OSBPL9: variants seen among roughly 807,000 people sequenced by gnomAD.
OSBPL9 encodes the protein oxysterol-binding protein-related protein 9.
A neutral mutation model predicts 106.6 loss-of-function variants in OSBPL9; 40 were observed. The observed-to-expected ratio is 0.38, with a 90% CI of 0.29 to 0.49. The LOEUF (loss-of-function observed/expected upper bound fraction) is 0.49. Among genes scored for constraint, OSBPL9 ranks in the 20% least tolerant of loss-of-function variants. The pLI is 0.97. For missense variants in OSBPL9, 609 were observed against 887.2 expected, an observed-to-expected ratio of 0.69 and a Z score of 3.98; for synonymous variants, 269 against 295.4, an observed-to-expected ratio of 0.91 and a Z score of 0.92.
chr1:51,662,684 T>C (rs1647315166), intron 2 of OSBPL9, among the ~76,000 whole-genome samples: 1 of 151,934 alleles, frequency 6.6e-6, no homozygotes, highest in African/African-American at 2.4e-5. Context: ...ACTATTAGAA[T>C]TGAGAATTGA....
the OSBPL9 span, among the ~76,000 whole-genome samples, chr1:51,546,092 C>T: frequency 1.9e-4 from 29 of 152,130 alleles, no homozygotes; most frequent in African/African-American, 7.0e-4. Flanking sequence ...TCTCAGCTCA[C>T]TGCAGCCTCA....
At chr1:51,578,839 AAC>A (rs1645202221) in intron 1 of OSBPL9, among the ~76,000 whole-genome samples, 1 of 152,184 alleles carries the variant, frequency 6.6e-6, no homozygotes. Context: ...CAAGTCAAAC[AAC>A]AGTGTGGTAA....
chr1:51,704,593 G>A (rs1157049201), intron 3 of OSBPL9, among the ~76,000 whole-genome samples: 5 of 152,172 alleles, frequency 3.3e-5, no homozygotes, highest in African/African-American at 1.2e-4. Flanking sequence ...TCTGGAGGCT[G>A]GAAGTTTAGA....
Position 51,729,314 on chromosome 1 carries a change from A to AC in OSBPL9, c.318+15236dup, listed in dbSNP as rs1663729179. Reference sequence around the variant, plus strand: ...AAGCAAAATCCGTTATCAAGGTGAAACTCCGGGGACCAGGCTCCACAGCTG... The same window carrying AC: ...AAGCAAAATCCGTTATCAAGGTGAAACCTCCGGGGACCAGGCTCCACAGCTG... On this transcript the variant is annotated intron_variant, in intron 4 of 23. Transcript: ENST00000428468. This position sits in a 1 kb window ranked among gnomAD's most constrained non-coding sequence, Gnocchi z 5.1. 6.6e-6 allele frequency: 1 copy of AC among 152,232 alleles called. No homozygotes were observed. Among genetic ancestry groups the AC allele is most frequent in the Non-Finnish European group, 1.5e-5 (1 of 68,240 alleles). 9.4% of individuals were successfully genotyped at this position (152,232 alleles called of 1,614,324 possible).
the OSBPL9 span, among the ~76,000 whole-genome samples, chr1:51,527,321 A>ATGG: frequency 1.6e-4 from 21 of 132,568 alleles, no homozygotes; most frequent in Admixed American, 6.3e-4. Flanking sequence ...GGACTATCCA[A>ATGG]TGATGATGGT....
chr1:51,607,822 A>G (rs1294203470), intron 2 of OSBPL9, among the ~76,000 whole-genome samples: 1 of 152,266 alleles, frequency 6.6e-6, no homozygotes, highest in Non-Finnish European at 1.5e-5. Context: ...GTTTTAGAGC[A>G]GGAATGAAAG....
At chr1:51,744,969 AG>A (rs1246181715) in intron 4 of OSBPL9, 2 of 153,024 alleles carry the variant, frequency 1.3e-5, no homozygotes, top group African/African-American at 2.4e-5. Flanking sequence ...AAACTTGATT[AG>A]GACAGGTGTT....
intron 2 of OSBPL9, among the ~76,000 whole-genome samples, chr1:51,668,274 T>A (rs1259693581): frequency 6.6e-6 from 1 of 152,202 alleles, no homozygotes; most frequent in African/African-American, 2.4e-5. Flanking sequence ...TTGCTTAGTT[T>A]CCTGTCTCTT....
chr1:51,560,125 C>T, the OSBPL9 span, among the ~76,000 whole-genome samples: 10 of 152,300 alleles, frequency 6.6e-5, no homozygotes, highest in East Asian at 1.9e-4. Flanking sequence ...AAATAGAGGG[C>T]GTCTGTCCCA....
chr1:51,633,632 A>G (rs1645244580), intron 1 of OSBPL9, among the ~76,000 whole-genome samples: 5 of 146,584 alleles, frequency 3.4e-5, no homozygotes, highest in Middle Eastern at 3.7e-3. Flanking sequence ...AAAATAAAAT[A>G]AAATGAAAAC....
At chr1:51,599,620 T>A (rs752016625) in intron 2 of OSBPL9, among the ~76,000 whole-genome samples, 2 of 152,218 alleles carry the variant, frequency 1.3e-5, no homozygotes, top group Non-Finnish European at 2.9e-5. Context: ...TGTTTTAATC[T>A]TTTGATCCAA....
intron 3 of OSBPL9, among the ~76,000 whole-genome samples, chr1:51,712,519 A>G (rs573003673): frequency 1.2e-3 from 186 of 152,252 alleles, no homozygotes; most frequent in African/African-American, 4.3e-3. Context: ...CCAGTTCTGT[A>G]ATTGTCTCTT....
intron 3 of OSBPL9, among the ~76,000 whole-genome samples, chr1:51,675,770 T>C (rs564549762): frequency 9.5e-4 from 144 of 152,356 alleles, no homozygotes; most frequent in African/African-American, 3.4e-3. Context: ...CGAAAAAAAC[T>C]AATTATTTGA....
chr1:51,657,648 G>C (rs369455061), intron 2 of OSBPL9, among the ~76,000 whole-genome samples: 12 of 152,308 alleles, frequency 7.9e-5, no homozygotes, highest in African/African-American at 2.9e-4. Flanking sequence ...TCTTTGTGTT[G>C]GTTATGAAGT....
chr1:51,765,854 A>T lies in OSBPL9; in HGVS notation c.811A>T (p.Thr271Ser), dbSNP rs1672448245. 6.2e-7 allele frequency: 1 copy of T among 1,613,832 alleles called. No individual in the cohort carries two copies. The highest frequency in any genetic ancestry group is 1.3e-5 in the African/African-American group (1 of 74,890). Residue 271 changes from threonine (T) to serine (S), a missense_variant, in exon 12 of 24, where the codon ACT becomes TCT. Around this residue, in one of 5 missense-constraint regions of OSBPL9, gnomAD observed 356 missense variants for 505.8 expected, o/e 0.70. Transcript: ENST00000428468. ...SGHSPPSSSL[T>S]SPSHVNLSPN... ...CCATTCACCACCGAGTAGCAGTCTC[A>T]CTTCTCCAAGCCACGTGAACTTGTC...
upstream of OSBPL9, among the ~76,000 whole-genome samples, chr1:51,616,490 C>T (rs1196548509): frequency 6.6e-6 from 1 of 152,172 alleles, no homozygotes; most frequent in South Asian, 2.1e-4. Context: ...AGGCTCCCTC[C>T]TTCGCTTTCT....
chr1:51,677,078 C>T (rs1396174667), intron 3 of OSBPL9, among the ~76,000 whole-genome samples: 1 of 152,180 alleles, frequency 6.6e-6, no homozygotes, highest in Non-Finnish European at 1.5e-5. Context: ...GATTCGTGCA[C>T]ATGTTGGTCT....
the OSBPL9 span, among the ~76,000 whole-genome samples, chr1:51,559,294 T>TTGC: frequency 7.1e-6 from 1 of 140,412 alleles, no homozygotes; most frequent in African/African-American, 2.5e-5. Flanking sequence ...AGTGTGGGGG[T>TTGC]GGGGGTTGCG....
the OSBPL9 span, among the ~76,000 whole-genome samples, chr1:51,539,611 A>G: frequency 6.6e-6 from 1 of 152,222 alleles, no homozygotes; most frequent in Non-Finnish European, 1.5e-5. Flanking sequence ...TTTTACATGT[A>G]TCTAATCTAT....
Sources: allele counts gnomAD v4.1 joint callset (sites outside exome capture counted in the v4.1 genomes callset), GRCh38; gene constraint gnomAD v4.1.1; regional missense constraint gnomAD v4.1.1; non-coding constraint Gnocchi (gnomAD v3.1); transcripts MANE v1.5; gene names NCBI Gene and HGNC (gene_info 2026-07-23, HGNC 2026-07-21).